The following FETUB variants were observed in gnomAD, a reference collection of about 807,000 sequenced individuals.
FETUB encodes the protein fetuin B.
Under a neutral mutation model 30.9 loss-of-function variants are expected in FETUB, and 28 were observed. The observed-to-expected ratio is 0.90, with a 90% CI of 0.67 to 1.24. The LOEUF is 1.24. Ranked by LOEUF, FETUB falls within the 50% of genes most tolerant of loss-of-function variation. The pLI, the probability that FETUB is intolerant of heterozygous loss-of-function variation, is 0.00. For synonymous variants in FETUB, 186 were observed against 175.9 expected, an observed-to-expected ratio of 1.06 and a Z score of -0.45; for missense variants, 469 against 455.3, an observed-to-expected ratio of 1.03 and a Z score of -0.27.
intron 5 of FETUB, 135 bp downstream of exon 5, chr3:186,646,484 A>G: frequency 1.5e-6 from 1 of 688,090 alleles, no homozygotes; most frequent in Non-Finnish European, 2.6e-6. Context: ...CTGACTAGTT[A>G]GAGATTAGAC....
At position 186,651,114 on chromosome 3, in the gene FETUB, C is replaced by A. The variant is rs1311150530; in HGVS notation, c.697-104C>A. 5 of 739,710 alleles carry A rather than the reference C, an allele frequency of 6.8e-6. No individual in the cohort carries two copies. The Admixed American group carries it at 8.2e-5, about 12-fold the overall frequency. The allele number at this position is 739,710 out of a possible 1,614,324, so 45.8% of individuals were successfully genotyped here. A position where few individuals can be genotyped will look rare whatever the true frequency, so the allele number is the denominator to read the frequency against. On this transcript the variant is annotated intron_variant, in intron 5 of 6. Coordinates refer to ENST00000265029, the MANE Select transcript of FETUB (RefSeq NM_014375.3). ...GAGTCTACCTGTTACATAGTAGAAG[C>A]ATAAAAATGTTGATTGGCTGTGTAT...
chr3:186,641,210 T>A lies in FETUB; in HGVS notation c.336+70T>A, dbSNP rs184982094. On this transcript the variant is annotated intron_variant, in intron 2 of 6. Transcript: ENST00000265029. ...AAGTAGGTACACTCTTTCTACAGGG[T>A]CAAGGGTGCTCAATATCTGTCATCT... 48 of 868,210 alleles carry A rather than the reference T, an allele frequency of 5.5e-5. No homozygotes were observed. In the East Asian group the frequency reaches 1.2e-3, roughly 22 times the overall value. The allele number at this position is 868,210 out of a possible 1,614,324, so 53.8% of individuals were successfully genotyped here.
chr3:186,652,604 T>C lies in FETUB; in HGVS notation c.1122T>C (p.Asn374=). ...RTAECPGPAQ[N]ASPLVLPP is the part of the protein sequence containing the mutation. The stretch of plus-strand genomic sequence containing the variant: ...CTGAGTGCCCAGGGCCAGCCCAGAA[T>C]GCCAGCCCTCTTGTCCTTCCGCCAT... Residue 374 remains asparagine (N), a synonymous_variant, in exon 7 of 7, where the codon AAT becomes AAC. Coordinates refer to ENST00000265029, the MANE Select transcript of FETUB (RefSeq NM_014375.3). 2 of 1,610,710 alleles carry C rather than the reference T, an allele frequency of 1.2e-6. No homozygotes were observed. Among genetic ancestry groups the C allele is most frequent in the Non-Finnish European group, 1.7e-6 (2 of 1,178,996 alleles).
chr3:186,641,052 A>G lies in FETUB; in HGVS notation c.248A>G (p.Tyr83Cys), dbSNP rs902067646. Reference sequence around the variant, plus strand: ...CAGGGTGGCCTGGGATCTCTGTTCTATCTTACACTGGATGTGCTAGAGACT... The same window carrying G: ...CAGGGTGGCCTGGGATCTCTGTTCTGTCTTACACTGGATGTGCTAGAGACT... ...YRRGGLGSLFYLTLDVLETDC... is the reference protein window; with the variant it reads ...YRRGGLGSLFCLTLDVLETDC... Residue 83 changes from tyrosine to cysteine, a missense_variant, in exon 2 of 7, where the codon TAT becomes TGT. Physicochemically the swap from Tyr to Cys is radical, Grantham distance 194 (BLOSUM62 -2). Transcript: ENST00000265029. The G allele has an allele frequency of 4.3e-6, 7 of 1,613,592 alleles. No homozygotes were observed. Among genetic ancestry groups the G allele is most frequent in the African/African-American group, 2.7e-5 (2 of 74,988 alleles).
At chr3:186,644,608 A>G in intron 3 of FETUB, 143 bp from the exon 4 acceptor site, 1 of 613,722 alleles carries the variant, frequency 1.6e-6, no homozygotes, top group Non-Finnish European at 2.8e-6. Context: ...CATGGTCATT[A>G]CAGAAAACAC....
rs200656071 is a variant in FETUB, at chr3:186,646,232, T to G, written c.595-16T>G. ...AAATGTTTGATTTTTATGTCTCAAC[T>G]CTTGTCTCATAACAGTGGGTGGTCG... On this transcript the variant is annotated splice_polypyrimidine_tract_variant and intron_variant, in intron 4 of 6. Transcript: ENST00000265029. 1.9e-6 allele frequency: 3 copies of G among 1,583,070 alleles called. No homozygotes were observed. The highest frequency in any genetic ancestry group is 1.7e-4 in the Middle Eastern group (1 of 6,014).
intron 2 of FETUB, chr3:186,641,478 A>G: frequency 5.1e-6 from 1 of 197,776 alleles, no homozygotes; most frequent in Admixed American, 5.5e-5. Context: ...CGTGGGGTTA[A>G]TGTAGACTGC....
chr3:186,640,829 G>A (rs998051445), intron 1 of FETUB, 144 bp downstream of exon 1: 1 of 744,550 alleles, frequency 1.3e-6, no homozygotes, highest in South Asian at 1.6e-5. Context: ...CTCTGCCAGG[G>A]TCAGCAACAA....
intron 5 of FETUB, among the ~76,000 whole-genome samples, chr3:186,648,846 T>C (rs1202485853): frequency 6.6e-6 from 1 of 152,222 alleles, no homozygotes; most frequent in East Asian, 1.9e-4. Flanking sequence ...ATATTGATCT[T>C]ATATATTATA....
At chr3:186,647,540 A>G (rs544500615) in intron 5 of FETUB, among the ~76,000 whole-genome samples, 1 of 152,342 alleles carries the variant, frequency 6.6e-6, no homozygotes, top group East Asian at 1.9e-4. Flanking sequence ...CCTACTGGGC[A>G]TGAATTGGTA....
upstream of FETUB, among the ~76,000 whole-genome samples, chr3:186,639,427 C>T (rs1189182788): frequency 6.6e-6 from 1 of 152,062 alleles, no homozygotes; most frequent in Non-Finnish European, 1.5e-5. Context: ...AAGAGAAGGG[C>T]TAGGAGTAGG....
intron 4 of FETUB, 115 bp downstream of exon 4, chr3:186,645,035 T>G: frequency 1.4e-6 from 1 of 722,962 alleles, no homozygotes; most frequent in Non-Finnish European, 2.2e-6. Context: ...CCAAAATACC[T>G]TTCTCTACTT....
At chr3:186,637,743 C>A (rs1160685790), upstream of FETUB, among the ~76,000 whole-genome samples, 2 of 152,264 alleles carry the variant, frequency 1.3e-5, no homozygotes, top group African/African-American at 4.8e-5. Flanking sequence ...AGGGTACAGT[C>A]ACAGCACTGA....
intron 2 of FETUB, 35 bp from the exon 3 acceptor site, chr3:186,642,436 T>C (rs202113077): frequency 1.0e-5 from 12 of 1,186,500 alleles, no homozygotes; most frequent in Admixed American, 3.9e-5. Context: ...CATAGTTGCA[T>C]TCGCTATGTC....
At position 186,646,359 on chromosome 3, in the gene FETUB, C is replaced by T. The variant is rs1717544964; in HGVS notation, c.696+10C>T. On this transcript the variant is annotated intron_variant, in intron 5 of 6. Transcript: ENST00000265029. The stretch of plus-strand genomic sequence containing the variant: ...GTCCTCCGACTCTGTGGTGAGTTTT[C>T]CTGAATGTCTTCATAATTTGAGTGT... 1 of 1,584,570 alleles carries T rather than the reference C, an allele frequency of 6.3e-7. No individual in the cohort carries two copies. The highest frequency in any genetic ancestry group is 8.7e-7 in the Non-Finnish European group (1 of 1,153,340).
At chr3:186,649,961 C>T (rs986255392) in intron 5 of FETUB, among the ~76,000 whole-genome samples, 5 of 152,022 alleles carry the variant, frequency 3.3e-5, no homozygotes, top group East Asian at 3.9e-4. Context: ...GTTGATGCAA[C>T]GGACATGGTA....
chr3:186,647,486 T>C (rs560827671), intron 5 of FETUB, among the ~76,000 whole-genome samples: 1 of 152,332 alleles, frequency 6.6e-6, no homozygotes, highest in East Asian at 1.9e-4. Flanking sequence ...TTTCTCCACA[T>C]CTTTGCCAAC....
chr3:186,640,111 G>T (rs147731573), upstream of FETUB, among the ~76,000 whole-genome samples: 4 of 152,320 alleles, frequency 2.6e-5, no homozygotes, highest in African/African-American at 9.6e-5. Context: ...GGGAGAGGGG[G>T]AGAATGGGAC....
chr3:186,650,793 G>A (rs1374345168), intron 5 of FETUB, among the ~76,000 whole-genome samples: 1 of 152,064 alleles, frequency 6.6e-6, no homozygotes, highest in African/African-American at 2.4e-5. Context: ...TTACTTTTAA[G>A]TAAAGAGAAA....
Sources: gnomAD v4.1 joint callset for allele counts (sites outside exome capture counted in the v4.1 genomes callset) on GRCh38, gnomAD v4.1.1 for gene constraint, MANE v1.5 for transcripts, NCBI Gene and HGNC (gene_info 2026-07-23, HGNC 2026-07-21) for gene names.